Variants in TCF7L2 observed in about 807,000 individuals in gnomAD.
TCF7L2 encodes the protein transcription factor 7 like 2.
TCF7L2 carries 23 observed loss-of-function variants against 77.9 expected under a neutral mutation model. That is an observed-to-expected ratio of 0.30 (90% CI 0.21 to 0.42). The LOEUF is 0.42. TCF7L2 is among the 10% of genes least tolerant of loss of function. The pLI is 1.00. For missense variants in TCF7L2, 654 were observed against 793.1 expected (o/e 0.82, Z 2.11); for synonymous variants, 413 against 340.2 (o/e 1.21, Z -2.36).
chr10:113,140,120 G>C (rs994315474), intron 5 of TCF7L2, among the ~76,000 whole-genome samples: 1 of 152,112 alleles, frequency 6.6e-6, no homozygotes, highest in Non-Finnish European at 1.5e-5. Flanking sequence ...ATCCTCTATG[G>C]GGAATAGGGT....
At chr10:113,147,857 C>T (rs2069812660) in intron 8 of TCF7L2, among the ~76,000 whole-genome samples, 1 of 151,910 alleles carries the variant, frequency 6.6e-6, no homozygotes. Context: ...TATAGGTGGG[C>T]ATGGGGGTGG....
chr10:113,105,600 C>G (rs775786420), intron 5 of TCF7L2, among the ~76,000 whole-genome samples: 2 of 152,148 alleles, frequency 1.3e-5, no homozygotes, highest in African/African-American at 2.4e-5. Flanking sequence ...GCCTGGTGAC[C>G]AGGGAGGTGC....
At chr10:113,047,327 T>A (rs374517401) in intron 5 of TCF7L2, among the ~76,000 whole-genome samples, 2 of 152,224 alleles carry the variant, frequency 1.3e-5, no homozygotes, top group East Asian at 1.9e-4. Flanking sequence ...ATGATTTTAA[T>A]GTCTCTGGGG....
chr10:112,962,376 T>C (rs199555286), intron 3 of TCF7L2, among the ~76,000 whole-genome samples: 1 of 32,910 alleles, frequency 3.0e-5, no homozygotes, highest in Admixed American at 2.4e-4. Flanking sequence ...CCTACTCTGC[T>C]TTGAAGGAGA....
chr10:113,159,569 G>A (rs1256382654), intron 12 of TCF7L2, among the ~76,000 whole-genome samples: 1 of 152,024 alleles, frequency 6.6e-6, no homozygotes, highest in Non-Finnish European at 1.5e-5. Context: ...ACTAAAAGAG[G>A]AAAAATATTT....
At chr10:113,156,118 T>TC (rs1006257867) in intron 11 of TCF7L2, among the ~76,000 whole-genome samples, 4 of 145,656 alleles carry the variant, frequency 2.7e-5, no homozygotes, top group Admixed American at 2.7e-4. Flanking sequence ...TTTCTTTCTT[T>TC]TTTTTTTTTT....
intron 5 of TCF7L2, among the ~76,000 whole-genome samples, chr10:113,140,354 C>T (rs1012678679): frequency 6.6e-6 from 1 of 152,112 alleles, no homozygotes; most frequent in African/African-American, 2.4e-5. Context: ...CCACCCTGCC[C>T]TCTGCTTCTC....
chr10:113,111,405 C>T (rs914326389), intron 5 of TCF7L2, among the ~76,000 whole-genome samples: 1 of 152,174 alleles, frequency 6.6e-6, no homozygotes, highest in Admixed American at 6.5e-5. Flanking sequence ...GTGAATGAAT[C>T]TCCAAGTGCA....
chr10:112,977,912 C>G (rs1047952079), intron 4 of TCF7L2, among the ~76,000 whole-genome samples: 4 of 152,162 alleles, frequency 2.6e-5, no homozygotes, highest in African/African-American at 9.7e-5. Flanking sequence ...ATAAGGAAAA[C>G]ATACGAAGCA....
intron 12 of TCF7L2, 134 bp downstream of exon 13, chr10:113,158,851 G>GT (rs1400806696): frequency 3.4e-5 from 25 of 732,918 alleles, no homozygotes; most frequent in Non-Finnish European, 4.8e-5. Context: ...ACACGGTTTC[G>GT]TATGTTTCAG....
At chr10:112,999,966 A>G (rs541825150) in intron 4 of TCF7L2, among the ~76,000 whole-genome samples, 3 of 152,192 alleles carry the variant, frequency 2.0e-5, no homozygotes, top group Non-Finnish European at 4.4e-5. Context: ...TGGACTGTTT[A>G]TGGCCTGTAG....
chr10:113,056,956 G>A (rs1375320552), intron 5 of TCF7L2, among the ~76,000 whole-genome samples: 2 of 152,192 alleles, frequency 1.3e-5, no homozygotes, highest in Admixed American at 6.5e-5. Flanking sequence ...TCCAGGAAGC[G>A]TGCAGAAATA....
chr10:113,068,868 C>A (rs1296454794), intron 5 of TCF7L2, among the ~76,000 whole-genome samples: 1 of 152,024 alleles, frequency 6.6e-6, no homozygotes, highest in Non-Finnish European at 1.5e-5. Flanking sequence ...TTGGACTCCT[C>A]CTTACATCCC....
rs192006768 is a variant in TCF7L2 at position 112,970,916 on chromosome 10, A to G, written c.450+6292A>G. Among the ~76,000 whole-genome samples, 448 of 152,334 alleles carry G rather than the reference A, an allele frequency of 2.9e-3. 3 individuals are homozygous for G. The highest frequency in any genetic ancestry group is 0.01 in the African/African-American group (419 of 41,584). On this transcript the variant is annotated intron_variant, in intron 4 of 13. Transcript: ENST00000627217. ...ACTTAGGCTGTGACATTTCATGTCC[A>G]TTTTCCACAAAGGAATGAAGAATTA... is the stretch of plus-strand genomic sequence containing the variant.
chr10:113,063,419 A>G (rs1430196904), intron 5 of TCF7L2, among the ~76,000 whole-genome samples: 2 of 152,196 alleles, frequency 1.3e-5, no homozygotes, highest in Non-Finnish European at 2.9e-5. Context: ...TTCTTAAACA[A>G]TGAAGTCATG....
chr10:113,096,215 C>G (rs1301744802), intron 5 of TCF7L2, among the ~76,000 whole-genome samples: 1 of 152,168 alleles, frequency 6.6e-6, no homozygotes, highest in Non-Finnish European at 1.5e-5. Flanking sequence ...CAGTCAGCGT[C>G]TCTGTTGACG....
intron 4 of TCF7L2, among the ~76,000 whole-genome samples, chr10:113,038,831 C>G (rs2051873535): frequency 6.6e-6 from 1 of 152,138 alleles, no homozygotes; most frequent in Non-Finnish European, 1.5e-5. Flanking sequence ...TTTGTCTCTC[C>G]TAGTGCTTGT....
rs1554875168 is a variant in TCF7L2 at position 112,964,822 on chromosome 10, T to TGATGG, written c.450+198_450+199insGATGG. ...TGGTGGTGGTGGTGGTGGGGGGGGG[T>TGATGG]TGAATCACTGGGGGAGAAGGGGAGC... On this transcript the variant is annotated intron_variant, in intron 4 of 13. Coordinates refer to ENST00000627217, the MANE Select transcript of TCF7L2 (RefSeq NM_001146274.2). Among the ~76,000 whole-genome samples, 23 of 73,574 alleles carry TGATGG rather than the reference T, an allele frequency of 3.1e-4. No homozygotes were observed. The East Asian group carries it at 3.7e-3, about 12-fold the overall frequency. The allele number at this position is 73,574 out of a possible 152,430, so 48.3% of individuals were successfully genotyped here. A position where few individuals can be genotyped will look rare whatever the true frequency, so the allele number is the denominator to read the frequency against.
At chr10:113,140,170 T>A (rs568940878) in intron 5 of TCF7L2, among the ~76,000 whole-genome samples, 91 of 152,278 alleles carry the variant, frequency 6.0e-4, no homozygotes, top group African/African-American at 2.1e-3. Context: ...GGCCCAGTAG[T>A]TCGCTTGTTT....
Sources: gnomAD v4.1 joint callset for allele counts (sites outside exome capture counted in the v4.1 genomes callset) on GRCh38, gnomAD v4.1.1 for gene constraint, MANE v1.5 for transcripts, NCBI Gene and HGNC (gene_info 2026-07-23, HGNC 2026-07-21) for gene names.